DHRS4L2: variants seen among roughly 807,000 people sequenced by gnomAD.
DHRS4L2 encodes the protein dehydrogenase/reductase SDR family member 4-like 2.
In DHRS4L2, 22 loss-of-function variants were observed where a neutral mutation model predicts 23.9. The ratio of observed to expected loss-of-function variants is 0.92; its 90% CI spans 0.66 to 1.31. The LOEUF is 1.31. Ranked by LOEUF, DHRS4L2 falls within the 40% of genes most tolerant of loss-of-function variation. DHRS4L2 has a pLI of 0.00. For missense variants in DHRS4L2, 385 were observed against 303.3 expected (o/e 1.27, Z -2.00); for synonymous variants, 141 against 123.7 (o/e 1.14, Z -0.93).
At chr14:23,972,709 A>G (rs1275835302) in intron 1 of DHRS4L2, among the ~76,000 whole-genome samples, 4 of 151,988 alleles carry the variant, frequency 2.6e-5, no homozygotes, top group Non-Finnish European at 5.9e-5. Context: ...CAGCATACCA[A>G]GGACCTGCAC....
In DHRS4L2 at chr14:23,989,034, G is replaced by A. The variant is rs763129931; in HGVS notation, c.87G>A (p.Pro29=). Residue 29 remains proline (P), a synonymous_variant, in exon 1 of 8, where the codon CCG becomes CCA. Coordinates refer to ENST00000335125, the MANE Select transcript of DHRS4L2 (RefSeq NM_198083.4). ...GCTCCAGGATGACCCGCCGGGACCC[G>A]CTCACAAATAAGGTGGCCCTGGTAA... ...MASSRMTRRD[P]LTNKVALVTA... 5.0e-6 allele frequency: 8 copies of A among 1,600,474 alleles called. No homozygotes were observed. Among genetic ancestry groups the A allele is most frequent in the Admixed American group, 1.7e-5 (1 of 57,986 alleles).
intron 1 of DHRS4L2, among the ~76,000 whole-genome samples, chr14:23,971,052 C>G (rs1304649642): frequency 2.6e-5 from 4 of 152,076 alleles, no homozygotes; most frequent in African/African-American, 9.7e-5. Context: ...GAAACCAGAG[C>G]AGAAATGCTG....
At chr14:24,004,126 CG>C (rs1462169283) in intron 6 of DHRS4L2, among the ~76,000 whole-genome samples, 2 of 146,696 alleles carry the variant, frequency 1.4e-5, no homozygotes, top group Non-Finnish European at 3.0e-5. Context: ...AAAAATTAGC[CG>C]GGCGCAGTGG....
upstream of DHRS4L2, among the ~76,000 whole-genome samples, chr14:23,987,858 C>A (rs72692113): frequency 6.6e-3 from 994 of 151,736 alleles, 24 homozygotes; most frequent in Middle Eastern, 0.024. Context: ...AGATACTTAC[C>A]TTTGGGTCTG....
chr14:23,981,319 G>GA (rs2034048262), intron 1 of DHRS4L2, among the ~76,000 whole-genome samples: 1 of 151,642 alleles, frequency 6.6e-6, no homozygotes, highest in South Asian at 2.1e-4. Flanking sequence ...CAAACAAATG[G>GA]AAAAACAGTC....
intron 1 of DHRS4L2, among the ~76,000 whole-genome samples, chr14:23,976,260 A>AG (rs1182004423): frequency 2.0e-5 from 3 of 151,860 alleles, no homozygotes; most frequent in African/African-American, 4.8e-5. Flanking sequence ...TAAATTTACA[A>AG]GAAAAAAAAT....
At chr14:23,971,082 C>T (rs1022951255) in intron 1 of DHRS4L2, among the ~76,000 whole-genome samples, 11 of 152,038 alleles carry the variant, frequency 7.2e-5, no homozygotes, top group South Asian at 2.1e-4. Flanking sequence ...GAAACCAGAA[C>T]GTCTCTTCTC....
chr14:23,999,344 T>TTAAAA (rs2034440952), intron 3 of DHRS4L2, among the ~76,000 whole-genome samples: 1 of 53,678 alleles, frequency 1.9e-5, no homozygotes, highest in Admixed American at 3.0e-4. Context: ...CTCCAATTTG[T>TTAAAA]AAAAAAAAAA....
chr14:23,977,842 TA>T (rs1325209259), intron 1 of DHRS4L2, among the ~76,000 whole-genome samples: 2 of 151,646 alleles, frequency 1.3e-5, no homozygotes, highest in Non-Finnish European at 2.9e-5. Flanking sequence ...TTGCACCCTC[TA>T]AAAAACATGT....
chr14:24,004,299 G>GAA (rs751388298), intron 6 of DHRS4L2, 38 bp from the exon 7 acceptor site: 4 of 1,430,264 alleles, frequency 2.8e-6, no homozygotes, highest in Admixed American at 2.7e-5. Context: ...GAAAGGAAAA[G>GAA]AAAAAAAAAC....
intron 1 of DHRS4L2, among the ~76,000 whole-genome samples, chr14:23,970,725 A>G (rs531833880): frequency 6.6e-6 from 1 of 152,174 alleles, no homozygotes; most frequent in African/African-American, 2.4e-5. Flanking sequence ...GTAGGGGCGG[A>G]GAGACACCTC....
intron 1 of DHRS4L2, among the ~76,000 whole-genome samples, chr14:23,976,173 C>T (rs892083370): frequency 2.6e-5 from 4 of 151,632 alleles, no homozygotes; most frequent in African/African-American, 7.3e-5. Context: ...AAAAGGCAAC[C>T]TACAGAATAG....
chr14:23,996,671 C>T lies in DHRS4L2; in HGVS notation c.408+1538C>T, dbSNP rs138967377. ...TTTCCTTTTTTTTTTTTTTCCCCCT[C>T]GCTGTGTCATTGAGGCTAGAGGGCT... On this transcript the variant is annotated intron_variant, in intron 3 of 7. Coordinates refer to ENST00000335125, the MANE Select transcript of DHRS4L2 (RefSeq NM_198083.4). Among the ~76,000 whole-genome samples, 1,220 of 137,086 alleles carry T rather than the reference C, an allele frequency of 8.9e-3. 6 individuals carry two copies. The highest frequency in any genetic ancestry group is 0.031 in the African/African-American group (1,042 of 33,278). The allele number at this position is 137,086 out of a possible 152,430, so 89.9% of individuals were successfully genotyped here. A position where few individuals can be genotyped will look rare whatever the true frequency, so the allele number is the denominator to read the frequency against.
At position 23,990,035 on chromosome 14, in the gene DHRS4L2, G is replaced by A. The variant is rs1184456229; in HGVS notation, c.129-147G>A. 2.0e-5 allele frequency: 26 copies of A among 1,301,242 alleles called. No homozygotes were observed. In the East Asian group the frequency reaches 5.8e-4, roughly 29 times the overall value. 80.6% of individuals were successfully genotyped at this position (1,301,242 alleles called of 1,614,324 possible). On this transcript the variant is annotated intron_variant, in intron 1 of 7. Coordinates refer to ENST00000335125, the MANE Select transcript of DHRS4L2 (RefSeq NM_198083.4). ...GTGCTAAAAATGGCCATGCCATTAA[G>A]CCTGTTTTACACATAGTAGGCACAC... is the stretch of plus-strand genomic sequence containing the variant.
intron 7 of DHRS4L2, among the ~76,000 whole-genome samples, chr14:24,005,452 A>T (rs2034553471): frequency 6.6e-6 from 1 of 152,056 alleles, no homozygotes; most frequent in African/African-American, 2.4e-5. Context: ...ACAAGTATAG[A>T]TTCCTGAAAA....
intron 1 of DHRS4L2, among the ~76,000 whole-genome samples, chr14:23,983,318 A>C (rs1203663576): frequency 6.6e-6 from 1 of 151,802 alleles, no homozygotes; most frequent in Non-Finnish European, 1.5e-5. Context: ...ATGCAAATCA[A>C]AACCACAATG....
At position 23,991,916 on chromosome 14, in the gene DHRS4L2, A is replaced by G. The variant is rs1442129136; in HGVS notation, c.306+1557A>G. Among the ~76,000 whole-genome samples, 7 of 151,270 alleles carry G rather than the reference A, an allele frequency of 4.6e-5. No individual in the cohort carries two copies. The East Asian group carries it at 5.8e-4, about 13-fold the overall frequency. ...ACGTCCAGCTAATTTTTGTATTTTT[A>G]GTAGAGACGGGGTTTCACCATGTTG... On this transcript the variant is annotated intron_variant, in intron 2 of 7. Coordinates refer to ENST00000335125, the MANE Select transcript of DHRS4L2 (RefSeq NM_198083.4).
chr14:23,974,316 C>A (rs895426732), intron 1 of DHRS4L2, among the ~76,000 whole-genome samples: 1 of 151,426 alleles, frequency 6.6e-6, no homozygotes, highest in African/African-American at 2.4e-5. Flanking sequence ...AAAATCAACA[C>A]CCTAACCTCA....
Position 24,004,187 on chromosome 14 carries a change from A to G in DHRS4L2, c.666-150A>G, listed in dbSNP as rs1428995584. 2.7e-5 allele frequency: 26 copies of G among 956,148 alleles called. No homozygotes were observed. In the African/African-American group the frequency reaches 4.1e-4, roughly 15 times the overall value. 59.2% of individuals were successfully genotyped at this position (956,148 alleles called of 1,614,324 possible). A position where few individuals can be genotyped will look rare whatever the true frequency, so the allele number is the denominator to read the frequency against. ...CGGGAGGCTGAGGCAGGAGAATGGC[A>G]TAACCCGGGAGGCGGAGTTTGCAGT... On this transcript the variant is annotated intron_variant, in intron 6 of 7. Coordinates refer to ENST00000335125, the MANE Select transcript of DHRS4L2 (RefSeq NM_198083.4).
Sources: allele counts gnomAD v4.1 joint callset (sites outside exome capture counted in the v4.1 genomes callset), GRCh38; gene constraint gnomAD v4.1.1; transcripts MANE v1.5; gene names NCBI Gene and HGNC (gene_info 2026-07-23, HGNC 2026-07-21).